LINGO2: variants seen among roughly 807,000 people sequenced by gnomAD.
The protein encoded by LINGO2 is leucine-rich repeat and immunoglobulin-like domain-containing nogo receptor-interacting protein 2.
A neutral mutation model predicts 30.6 loss-of-function variants in LINGO2; 14 were observed. The observed-to-expected ratio is 0.46, with a 90% CI of 0.30 to 0.72. LINGO2 has a LOEUF of 0.72. Among genes scored for constraint, LINGO2 ranks in the 30% least tolerant of loss-of-function variants. LINGO2 has a pLI of 0.07. For missense variants in LINGO2, 729 were observed against 751.7 expected, an observed-to-expected ratio of 0.97 and a Z score of 0.35; for synonymous variants, 317 against 288.5, an observed-to-expected ratio of 1.10 and a Z score of -1.00.
At chr9:28,531,591 A>G (rs1235038750) in intron 1 of LINGO2, among the ~76,000 whole-genome samples, 2 of 152,152 alleles carry the variant, frequency 1.3e-5, no homozygotes, top group Non-Finnish European at 2.9e-5. Flanking sequence ...CTATAGTTTT[A>G]TTTGACTCAG....
At chr9:28,365,785 CCT>C (rs1033104068) in intron 3 of LINGO2, among the ~76,000 whole-genome samples, 2 of 108,478 alleles carry the variant, frequency 1.8e-5, no homozygotes, top group Admixed American at 1.0e-4. Context: ...TTTTTTTTTT[CCT>C]CTCTCTCTCT....
chr9:28,943,206 A>G, the LINGO2 span, among the ~76,000 whole-genome samples: 7 of 152,200 alleles, frequency 4.6e-5, no homozygotes, highest in Middle Eastern at 3.2e-3. Flanking sequence ...AGTAGGGAGC[A>G]TTCTTTGTAG....
At chr9:28,818,592 G>T in the LINGO2 span, among the ~76,000 whole-genome samples, 1 of 152,084 alleles carries the variant, frequency 6.6e-6, no homozygotes. Context: ...CACCATCTTG[G>T]CCAGGTTGGT....
At chr9:28,043,675 C>A (rs1378067345) in intron 4 of LINGO2, among the ~76,000 whole-genome samples, 9 of 152,130 alleles carry the variant, frequency 5.9e-5, no homozygotes, top group Admixed American at 5.2e-4. Context: ...CAACAATGAT[C>A]AAATTTTGCT....
At chr9:27,976,977 G>A (rs1420565650) in intron 5 of LINGO2, among the ~76,000 whole-genome samples, 3 of 151,662 alleles carry the variant, frequency 2.0e-5, no homozygotes, top group South Asian at 2.1e-4. Flanking sequence ...GAGAAAGCCC[G>A]TGAGAAGATT....
At chr9:28,642,871 G>T (rs138627704) in intron 1 of LINGO2, among the ~76,000 whole-genome samples, 1 of 152,024 alleles carries the variant, frequency 6.6e-6, no homozygotes, top group African/African-American at 2.4e-5. Context: ...TTTGTTTCTT[G>T]ACGTGTTTTC....
the LINGO2 span, among the ~76,000 whole-genome samples, chr9:28,943,058 G>T: frequency 1.3e-5 from 2 of 152,174 alleles, no homozygotes; most frequent in African/African-American, 4.8e-5. Flanking sequence ...AACCAGCTAT[G>T]AGATATATTA....
intron 4 of LINGO2, among the ~76,000 whole-genome samples, chr9:28,258,430 C>A (rs138944988): frequency 6.6e-6 from 1 of 151,840 alleles, no homozygotes; most frequent in Non-Finnish European, 1.5e-5. Flanking sequence ...AAATTATGCA[C>A]TTAATTGTCA....
the LINGO2 span, among the ~76,000 whole-genome samples, chr9:28,929,069 T>C: frequency 0.041 from 6,259 of 152,256 alleles, 190 homozygotes; most frequent in Admixed American, 0.082. Context: ...AGAGGGGAAA[T>C]AGCATACAAA....
rs147370946 is a variant in LINGO2 at position 28,018,828 on chromosome 9, C to G, written c.-86-6423G>C. On this transcript the variant is annotated intron_variant, in intron 4 of 5. Transcript: ENST00000379992. ...ACAGAATTACCATTTGACCCAGCAACCCATTATTGGGTATATACGCAAAGA... is the reference window on the plus strand; with the variant it reads ...ACAGAATTACCATTTGACCCAGCAAGCCATTATTGGGTATATACGCAAAGA... Among the ~76,000 whole-genome samples the G allele has an allele frequency of 1.1e-4, 17 of 152,198 alleles. No individual in the cohort carries two copies. The East Asian group carries it at 3.1e-3, about 28-fold the overall frequency.
At chr9:28,696,962 C>A in the LINGO2 span, among the ~76,000 whole-genome samples, 1 of 151,680 alleles carries the variant, frequency 6.6e-6, no homozygotes. Context: ...ATTCCTTTAG[C>A]TAGGTGTCCT....
At chr9:29,074,209 A>T in the LINGO2 span, among the ~76,000 whole-genome samples, 1 of 152,156 alleles carries the variant, frequency 6.6e-6, no homozygotes, top group Non-Finnish European at 1.5e-5. Context: ...TATTTTGATA[A>T]ATCTACATAA....
intron 4 of LINGO2, among the ~76,000 whole-genome samples, chr9:28,015,909 T>A (rs1822808994): frequency 6.7e-6 from 1 of 150,348 alleles, no homozygotes; most frequent in Non-Finnish European, 1.5e-5. Flanking sequence ...GCACTTGAAC[T>A]CTGATTTACA....
intron 1 of LINGO2, among the ~76,000 whole-genome samples, chr9:28,559,836 T>C (rs1331129914): frequency 6.6e-6 from 1 of 152,018 alleles, no homozygotes; most frequent in African/African-American, 2.4e-5. Flanking sequence ...AAGAAAAGTT[T>C]AGTGTACCTC....
chr9:28,698,813 T>C, the LINGO2 span, among the ~76,000 whole-genome samples: 1 of 151,860 alleles, frequency 6.6e-6, no homozygotes, highest in Non-Finnish European at 1.5e-5. Flanking sequence ...AGTCCAAGAC[T>C]GGAGGATTGC....
chr9:29,125,730 A>G, the LINGO2 span, among the ~76,000 whole-genome samples: 2 of 152,126 alleles, frequency 1.3e-5, no homozygotes, highest in Admixed American at 6.5e-5. Context: ...GTGGAAGACT[A>G]AATGAATGTA....
At chr9:28,207,641 C>T (rs1820453235) in intron 4 of LINGO2, among the ~76,000 whole-genome samples, 1 of 152,020 alleles carries the variant, frequency 6.6e-6, no homozygotes, top group South Asian at 2.1e-4. Context: ...CACCCTGATA[C>T]ATAACAAGCT....
chr9:27,979,585 C>T (rs893907674), intron 5 of LINGO2, among the ~76,000 whole-genome samples: 1 of 151,848 alleles, frequency 6.6e-6, no homozygotes, highest in African/African-American at 2.4e-5. Context: ...TTAATATTCT[C>T]CTCCTGCTAG....
rs527798934 is a variant in LINGO2 at position 28,521,502 on chromosome 9, C to T, written c.-364-45477G>A. Among the ~76,000 whole-genome samples the T allele has an allele frequency of 8.5e-5, 13 of 152,162 alleles. No homozygotes were observed. In the East Asian group the frequency reaches 1.6e-3, roughly 18 times the overall value. ...AAATCTGAGGAAAAGATATGGTAGG[C>T]CTGTGGCAGCCAATTAGTCATGTTC... On this transcript the variant is annotated intron_variant, in intron 1 of 5. Coordinates refer to ENST00000379992, the Ensembl canonical transcript of LINGO2.
Sources: gnomAD v4.1 joint callset for allele counts (sites outside exome capture counted in the v4.1 genomes callset) on GRCh38, gnomAD v4.1.1 for gene constraint, MANE v1.5 for transcripts, NCBI Gene and HGNC (gene_info 2026-07-23, HGNC 2026-07-21) for gene names.